CYP7B1: variants seen among roughly 807,000 people sequenced by gnomAD.
The protein encoded by CYP7B1 is cytochrome P450 7B1.
A neutral mutation model predicts 42.7 loss-of-function variants in CYP7B1; 29 were observed. The ratio of observed to expected loss-of-function variants is 0.68; its 90% CI spans 0.51 to 0.93. The LOEUF (loss-of-function observed/expected upper bound fraction) is 0.93, where lower values mean the gene tolerates loss of function less well. Ranked by LOEUF, CYP7B1 falls within the 40% of genes least tolerant of loss-of-function variation. CYP7B1 has a pLI of 0.00. For missense variants in CYP7B1, 655 were observed against 600.5 expected (o/e 1.09, Z -0.95); for synonymous variants, 235 against 218.2 (o/e 1.08, Z -0.68).
chr8:64,691,742 C>T (rs952722321), intron 1 of CYP7B1, among the ~76,000 whole-genome samples: 1 of 152,266 alleles, frequency 6.6e-6, no homozygotes, highest in South Asian at 2.1e-4. Flanking sequence ...CTGGACAGGC[C>T]CTTACTGCTC....
In CYP7B1 at chr8:64,594,198, G is replaced by A. The variant is rs983452144; in HGVS notation, c.*2444C>T. ...CACAGTAGTGTGAGGATAGGTGATG[G>A]AAAAGCTTTTAAGTTCTGCTTTGGC... On this transcript the variant is annotated 3_prime_UTR_variant, in exon 6 of 6. Coordinates refer to ENST00000310193, the MANE Select transcript of CYP7B1 (RefSeq NM_004820.5). Among the ~76,000 whole-genome samples, 122 of 152,244 alleles carry A rather than the reference G, an allele frequency of 8.0e-4. 1 individual carries two copies. The highest frequency in any genetic ancestry group is 2.9e-3 in the African/African-American group (120 of 41,540).
At chr8:64,720,931 T>C (rs1807226310) in intron 1 of CYP7B1, among the ~76,000 whole-genome samples, 1 of 151,948 alleles carries the variant, frequency 6.6e-6, no homozygotes, top group African/African-American at 2.4e-5. Context: ...ACAAAGGCTT[T>C]TTTTCTTTAT....
At chr8:64,719,778 A>G (rs1294773489) in intron 1 of CYP7B1, among the ~76,000 whole-genome samples, 1 of 152,250 alleles carries the variant, frequency 6.6e-6, no homozygotes, top group East Asian at 1.9e-4. Context: ...ATGAAAACTC[A>G]TTAAAATAAA....
At chr8:64,742,460 G>A (rs1182546752) in intron 1 of CYP7B1, among the ~76,000 whole-genome samples, 2 of 151,996 alleles carry the variant, frequency 1.3e-5, no homozygotes, top group Admixed American at 1.3e-4. Flanking sequence ...GACCATGAAT[G>A]CTTTACTGTA....
At chr8:64,626,396 G>C (rs781192889) in intron 1 of CYP7B1, among the ~76,000 whole-genome samples, 5 of 152,112 alleles carry the variant, frequency 3.3e-5, no homozygotes, top group Non-Finnish European at 7.4e-5. Context: ...GTTATCAGAT[G>C]TCAATTAGAC....
At chr8:64,707,395 G>C (rs1446451552) in intron 1 of CYP7B1, among the ~76,000 whole-genome samples, 1 of 152,098 alleles carries the variant, frequency 6.6e-6, no homozygotes, top group East Asian at 1.9e-4. Context: ...TATGGGCCAA[G>C]CTTATCTAGG....
intron 1 of CYP7B1, among the ~76,000 whole-genome samples, chr8:64,798,056 C>T (rs1804732829): frequency 1.3e-5 from 2 of 152,220 alleles, no homozygotes; most frequent in Admixed American, 1.3e-4. Flanking sequence ...ATTGTTCACA[C>T]CATGCACTGG....
chr8:64,792,289 A>T (rs1563430067), intron 1 of CYP7B1, among the ~76,000 whole-genome samples: 1 of 152,178 alleles, frequency 6.6e-6, no homozygotes, highest in East Asian at 1.9e-4. Flanking sequence ...TAAGAGAAGA[A>T]CTGTTAGGCA....
At chr8:64,781,561 T>A (rs1804424498) in intron 1 of CYP7B1, among the ~76,000 whole-genome samples, 1 of 152,076 alleles carries the variant, frequency 6.6e-6, no homozygotes, top group Non-Finnish European at 1.5e-5. Flanking sequence ...CCACCATCCA[T>A]CTTCCAAGCC....
chr8:64,620,454 C>T (rs576774223), intron 2 of CYP7B1, among the ~76,000 whole-genome samples: 1 of 152,234 alleles, frequency 6.6e-6, no homozygotes, highest in South Asian at 2.1e-4. Context: ...TTCCACTGCA[C>T]CACCACACAA....
chr8:64,698,750 T>C (rs1806869601), intron 1 of CYP7B1, among the ~76,000 whole-genome samples: 1 of 152,112 alleles, frequency 6.6e-6, no homozygotes, highest in South Asian at 2.1e-4. Context: ...CTGTACACTC[T>C]GAAGACAGCA....
At chr8:64,646,377 A>C (rs1452860183) in intron 1 of CYP7B1, among the ~76,000 whole-genome samples, 1 of 152,206 alleles carries the variant, frequency 6.6e-6, no homozygotes, top group Non-Finnish European at 1.5e-5. Context: ...ACCCCATCAA[A>C]AAGTGGGTGA....
intron 1 of CYP7B1, among the ~76,000 whole-genome samples, chr8:64,782,137 C>T (rs190013318): frequency 3.1e-4 from 47 of 152,222 alleles, no homozygotes; most frequent in Middle Eastern, 3.4e-3. Context: ...TGCTCTTTGC[C>T]CACCATGACA....
At chr8:64,681,416 GCTTCAC>G (rs1430331981) in intron 1 of CYP7B1, among the ~76,000 whole-genome samples, 22 of 152,208 alleles carry the variant, frequency 1.4e-4, no homozygotes, top group Middle Eastern at 3.4e-3. Flanking sequence ...CCCCTACAGA[GCTTCAC>G]CTCCTGATAT....
At chr8:64,599,234 G>A (rs972641437) in intron 5 of CYP7B1, among the ~76,000 whole-genome samples, 51 of 152,138 alleles carry the variant, frequency 3.4e-4, no homozygotes, top group African/African-American at 1.2e-3. Context: ...TGTCGCCCAG[G>A]TTGGAGTGCA....
At chr8:64,796,255 C>A (rs1236189455) in intron 1 of CYP7B1, among the ~76,000 whole-genome samples, 4 of 152,080 alleles carry the variant, frequency 2.6e-5, no homozygotes, top group Non-Finnish European at 4.4e-5. Context: ...ATAATTGCAG[C>A]TGGTATGAAA....
chr8:64,655,170 C>A (rs972558172), intron 1 of CYP7B1, among the ~76,000 whole-genome samples: 5 of 152,010 alleles, frequency 3.3e-5, no homozygotes, highest in African/African-American at 1.2e-4. Context: ...AATTGACAAA[C>A]AGGATCTAAG....
intron 1 of CYP7B1, among the ~76,000 whole-genome samples, chr8:64,747,960 T>C (rs1429087386): frequency 1.3e-5 from 2 of 152,098 alleles, no homozygotes; most frequent in Admixed American, 6.5e-5. Context: ...GGTCATGGCC[T>C]AGCCCATGAC....
At chr8:64,619,752 T>C (rs1052809343) in intron 2 of CYP7B1, among the ~76,000 whole-genome samples, 1 of 152,198 alleles carries the variant, frequency 6.6e-6, no homozygotes, top group Non-Finnish European at 1.5e-5. Context: ...TCAAAGTATG[T>C]TGGTAAATGT....
Sources: gnomAD v4.1 joint callset for allele counts (sites outside exome capture counted in the v4.1 genomes callset) on GRCh38, gnomAD v4.1.1 for gene constraint, MANE v1.5 for transcripts, NCBI Gene and HGNC (gene_info 2026-07-23, HGNC 2026-07-21) for gene names.